URB1: variants seen among roughly 807,000 people sequenced by gnomAD.
The protein encoded by URB1 is nucleolar pre-ribosomal-associated protein 1.
URB1 carries 197 observed loss-of-function variants against 242.3 expected under a neutral mutation model. The ratio of observed to expected loss-of-function variants is 0.81; its 90% confidence interval spans 0.72 to 0.91. The LOEUF (loss-of-function observed/expected upper bound fraction) is 0.91, where lower values mean the gene tolerates loss of function less well. Among genes scored for constraint, URB1 ranks in the 40% least tolerant of loss-of-function variants. The pLI is 0.00. For missense variants in URB1, 2,721 were observed against 2,860.5 expected, an observed-to-expected ratio of 0.95 and a Z score of 1.11; for synonymous variants, 1,153 against 1,201.8, an observed-to-expected ratio of 0.96 and a Z score of 0.84.
chr21:32,322,519 C>T lies in URB1; in HGVS notation c.5299G>A (p.Val1767Met). The change falls in exon 33 of 39, where the codon GTG (valine) becomes ATG (methionine). Residue 1767 changes from valine to methionine, a missense_variant. By Grantham distance (21) the Val-to-Met change is conservative. Transcript: ENST00000382751. The part of the protein sequence containing the change: ...LSHEYLNMDK[V>M]PGFYQFFYSS... ...TAGAAGAACTGGTAGAAGCCTGGCA[C>T]TTTGTCCATGTTCAAGTACTCATGC... 1 of 1,552,324 alleles carries T rather than the reference C, an allele frequency of 6.4e-7. No homozygotes were observed. The highest frequency in any genetic ancestry group is 8.7e-7 in the Non-Finnish European group (1 of 1,147,124).
At chr21:32,320,130 C>T (rs910221838) in intron 35 of URB1, among the ~76,000 whole-genome samples, 8 of 152,230 alleles carry the variant, frequency 5.3e-5, no homozygotes, top group African/African-American at 1.4e-4. Context: ...CCCGTCAGAC[C>T]GGCCTTCCTG....
intron 1 of URB1, among the ~76,000 whole-genome samples, chr21:32,391,595 T>C (rs894000922): frequency 1.3e-5 from 2 of 152,174 alleles, no homozygotes; most frequent in Non-Finnish European, 2.9e-5. Flanking sequence ...TATTCATCAC[T>C]TTATCTCTAC....
chr21:32,335,611 T>G (rs1290711738), intron 28 of URB1: 1 of 152,408 alleles, frequency 6.6e-6, no homozygotes, highest in Non-Finnish European at 1.5e-5. Context: ...CAACAGTCAC[T>G]AATGTCAGAA....
intron 6 of URB1, among the ~76,000 whole-genome samples, chr21:32,374,700 T>C (rs57050823): frequency 0.056 from 8,514 of 152,300 alleles, 808 homozygotes; most frequent in African/African-American, 0.19. Context: ...GGGGCCATCC[T>C]GGGCATTACA....
In URB1 at chr21:32,316,665, C is replaced by T. The variant is rs1356952141; in HGVS notation, c.6435G>A (p.Val2145=). The part of the protein sequence containing the change: ...VVADLLKDSA[V]RSSIFRLYSR... Reference sequence around the variant, plus strand: ...TATACAGCCTGAATATGCTGCTCCTCACGGCACTGTCCTTAAGGAGGTCAG... The same window carrying T: ...TATACAGCCTGAATATGCTGCTCCTTACGGCACTGTCCTTAAGGAGGTCAG... The change falls in exon 38 of 39, where the codon GTG becomes GTA. Residue 2145 remains valine (V), a synonymous_variant. Coordinates refer to ENST00000382751, the MANE Select transcript of URB1 (RefSeq NM_014825.3). 6.0e-5 allele frequency: 93 copies of T among 1,551,386 alleles called. No homozygotes were observed. The highest frequency in any genetic ancestry group is 8.1e-5 in the Non-Finnish European group (93 of 1,146,946).
At chr21:32,317,398 G>A (rs2032704800) in intron 37 of URB1, among the ~76,000 whole-genome samples, 1 of 152,176 alleles carries the variant, frequency 6.6e-6, no homozygotes. Context: ...GGAGGTTGGG[G>A]CAAGTAGCTC....
Position 32,311,696 on chromosome 21 carries a change from GCACCACCAAACATGCCCCTGGAGT to G in URB1, c.*3198_*3221del. The G allele has an allele frequency of 6.2e-7, 1 of 1,613,918 alleles. No individual in the cohort carries two copies. The highest frequency in any genetic ancestry group is 8.5e-7 in the Non-Finnish European group (1 of 1,179,948). On this transcript the variant is annotated 3_prime_UTR_variant, in exon 39 of 39. Coordinates refer to ENST00000382751, the MANE Select transcript of URB1 (RefSeq NM_014825.3). ...GCTCTGTTCACAGGAACAGCCCCAA[GCACCACCAAACATGCCCCTGGAGT>G]CACGGCCTCAACCTCCACCTCTGCA...
In URB1 at chr21:32,314,947, C is replaced by A. The variant is rs1047421371; in HGVS notation, c.6787G>T (p.Asp2263Tyr). ...GCATCTGAGGCTGCGCTGGCGGCGTCCTTGCAGAGCACCACGATGGCCTCC... is the reference window on the plus strand; with the variant it reads ...GCATCTGAGGCTGCGCTGGCGGCGTACTTGCAGAGCACCACGATGGCCTCC... ...EEEAIVVLCK[D>Y]AASAASDA The change falls in exon 39 of 39, where the codon GAC becomes TAC. Residue 2263 changes from aspartate to tyrosine, a missense_variant. Coordinates refer to ENST00000382751, the MANE Select transcript of URB1 (RefSeq NM_014825.3). 3.2e-6 allele frequency: 5 copies of A among 1,551,560 alleles called. No homozygotes were observed. In the Admixed American group the frequency reaches 9.8e-5, roughly 30 times the overall value.
intron 12 of URB1, among the ~76,000 whole-genome samples, 153 bp downstream of exon 12, chr21:32,361,739 T>C (rs1223165571): frequency 6.6e-6 from 1 of 152,116 alleles, no homozygotes; most frequent in African/African-American, 2.4e-5. Context: ...TTCTTCTCCC[T>C]AAGCAAAAAA....
Position 32,334,289 on chromosome 21 carries a change from G to C in URB1, c.4731C>G (p.Cys1577Trp). 1 of 1,551,494 alleles carries C rather than the reference G, an allele frequency of 6.4e-7. No individual in the cohort carries two copies. Among genetic ancestry groups the C allele is most frequent in the Non-Finnish European group, 8.7e-7 (1 of 1,146,912 alleles). ...GCCACAGTGACCTGCCCAGGCTCCG[G>C]CACGTCTTGTGATGCTCCACGGCCG... ...GPAAVEHHKT[C>W]RSLGRSLWQQ... The change falls in exon 29 of 39, where the codon TGC (cysteine) becomes TGG (tryptophan). Residue 1577 changes from cysteine (C) to tryptophan (W), a missense_variant. Transcript: ENST00000382751.
At position 32,337,395 on chromosome 21, in the gene URB1, C is replaced by T. The variant is rs529669923; in HGVS notation, c.4621+9G>A. On this transcript the variant is annotated intron_variant, in intron 27 of 38. Transcript: ENST00000382751. ...CCCTGCTCACACTACCCAGCCCTCA[C>T]ACCCTCACCTAGGACGCTGAGAGTG... is the stretch of plus-strand genomic sequence containing the variant. 6.5e-7 allele frequency: 1 copy of T among 1,548,300 alleles called. No individual in the cohort carries two copies. The highest frequency in any genetic ancestry group is 2.0e-5 in the Admixed American group (1 of 50,858).
chr21:32,357,674 T>C lies in URB1; in HGVS notation c.1870-18A>G. 1 of 1,415,060 alleles carries C rather than the reference T, an allele frequency of 7.1e-7. No individual in the cohort carries two copies. The allele number at this position is 1,415,060 out of a possible 1,614,324, so 87.7% of individuals were successfully genotyped here. Reference sequence around the variant, plus strand: ...GGGCCTTCCTAGAGTTTAAACAATATTACGTATTTTTAGTATATATAATTA... The same window carrying C: ...GGGCCTTCCTAGAGTTTAAACAATACTACGTATTTTTAGTATATATAATTA... On this transcript the variant is annotated intron_variant, in intron 14 of 38. Transcript: ENST00000382751.
chr21:32,392,691 G>A (rs560548690), intron 1 of URB1, 78 bp downstream of exon 1: 3 of 1,352,832 alleles, frequency 2.2e-6, no homozygotes, highest in Non-Finnish European at 2.9e-6. Flanking sequence ...GCTGCAGAAA[G>A]GAGAGGCTGT....
At position 32,312,305 on chromosome 21, in the gene URB1, A is replaced by C. The variant is rs2032602115; in HGVS notation, c.*2613T>G. The C allele has an allele frequency of 7.6e-7, 1 of 1,314,356 alleles. No homozygotes were observed. Among genetic ancestry groups the C allele is most frequent in the African/African-American group, 1.5e-5 (1 of 67,108 alleles). The allele number at this position is 1,314,356 out of a possible 1,614,324, so 81.4% of individuals were successfully genotyped here. A position where few individuals can be genotyped will look rare whatever the true frequency, so the allele number is the denominator to read the frequency against. Reference sequence around the variant, plus strand: ...CAAGAGGAAAAGCTGTTTGCTTACTAATCTTTACTATGCCACTTTACCATT... The same window carrying C: ...CAAGAGGAAAAGCTGTTTGCTTACTCATCTTTACTATGCCACTTTACCATT... On this transcript the variant is annotated 3_prime_UTR_variant, in exon 39 of 39. Coordinates refer to ENST00000382751, the MANE Select transcript of URB1 (RefSeq NM_014825.3).
chr21:32,391,497 T>C (rs796931948), intron 1 of URB1, among the ~76,000 whole-genome samples: 6 of 152,256 alleles, frequency 3.9e-5, no homozygotes, highest in African/African-American at 1.4e-4. Flanking sequence ...TGCTTGAAAC[T>C]GTATGTATGT....
intron 10 of URB1, among the ~76,000 whole-genome samples, chr21:32,365,437 C>A (rs1411636462): frequency 1.3e-5 from 2 of 150,958 alleles, no homozygotes; most frequent in African/African-American, 4.9e-5. Context: ...GGCAACAGAA[C>A]AAGACCCTGT....
At chr21:32,380,843 G>GAGTC in intron 4 of URB1, among the ~76,000 whole-genome samples, 1 of 152,314 alleles carries the variant, frequency 6.6e-6, no homozygotes, top group South Asian at 2.1e-4. Flanking sequence ...ACAGTACTGG[G>GAGTC]AGTCAGGGCC....
chr21:32,319,888 A>G (rs1002853613), intron 35 of URB1, among the ~76,000 whole-genome samples: 1 of 152,228 alleles, frequency 6.6e-6, no homozygotes, highest in Non-Finnish European at 1.5e-5. Context: ...AAAAATGCAC[A>G]AAAGGGCCTG....
At chr21:32,337,622 T>C in intron 26 of URB1, 108 bp from the exon 27 acceptor site, 1 of 838,160 alleles carries the variant, frequency 1.2e-6, no homozygotes, top group Non-Finnish European at 1.9e-6. Context: ...AATCTCCTCC[T>C]CTGAATAATA....
Sources: allele counts gnomAD v4.1 joint callset (sites outside exome capture counted in the v4.1 genomes callset), GRCh38; gene constraint gnomAD v4.1.1; transcripts MANE v1.5; gene names NCBI Gene and HGNC (gene_info 2026-07-23, HGNC 2026-07-21).